Variants in PLAGL2 observed in about 807,000 individuals in gnomAD.
PLAGL2 encodes zinc finger protein PLAGL2.
In PLAGL2, 7 loss-of-function variants were observed where a neutral mutation model predicts 29.0. That is an observed-to-expected ratio of 0.24 (90% CI 0.14 to 0.45). The LOEUF is 0.45. PLAGL2 is among the 20% of genes least tolerant of loss of function. The pLI is 0.99. For missense variants in PLAGL2, 454 were observed against 648.2 expected (o/e 0.70, Z 3.25); for synonymous variants, 234 against 266.0 (o/e 0.88, Z 1.17).
chr20:32,207,238 G>C (rs2047293688), intron 1 of PLAGL2, among the ~76,000 whole-genome samples: 1 of 152,160 alleles, frequency 6.6e-6, no homozygotes, highest in Non-Finnish European at 1.5e-5. Flanking sequence ...ATGTGGGTCT[G>C]GGTAGGCGTG....
Position 32,207,663 on chromosome 20 carries a change from G to T in PLAGL2, c.-137C>A. On this transcript the variant is annotated 5_prime_UTR_variant, in exon 1 of 3. Coordinates refer to ENST00000246229, the MANE Select transcript of PLAGL2 (RefSeq NM_002657.3). ...CACCGCGCTCGGGGCCCCACGCTGC[G>T]GGCCGGGCCGCGCTCGGGCTCCGCC... 2 of 193,194 alleles carry T rather than the reference G, an allele frequency of 1.0e-5. No homozygotes were observed. The highest frequency in any genetic ancestry group is 2.1e-5 in the Non-Finnish European group (2 of 97,400). 12.0% of individuals were successfully genotyped at this position (193,194 alleles called of 1,614,324 possible).
At chr20:32,199,338 C>G (rs2047246997) in intron 2 of PLAGL2, among the ~76,000 whole-genome samples, 1 of 152,186 alleles carries the variant, frequency 6.6e-6, no homozygotes, top group South Asian at 2.1e-4. Context: ...TGTGATGGAA[C>G]TGACGTGGTA....
In PLAGL2 at chr20:32,196,503, C is replaced by A; in HGVS notation, c.1440G>T (p.Thr480=). 6 of 1,519,250 alleles carry A rather than the reference C, an allele frequency of 3.9e-6. No individual in the cohort carries two copies. The highest frequency in any genetic ancestry group is 5.3e-6 in the Non-Finnish European group (6 of 1,136,352). The allele number at this position is 1,519,250 out of a possible 1,614,324, so 94.1% of individuals were successfully genotyped here. A position where few individuals can be genotyped will look rare whatever the true frequency, so the allele number is the denominator to read the frequency against. Residue 480 remains threonine, a synonymous_variant, in exon 3 of 3, where the codon ACG becomes ACT. Transcript: ENST00000246229. ...GCAGGGTGGTGCTACTCAGGCCAGA[C>A]GTGAAGACAGGAGGCAAGGAGTGCA... The part of the protein sequence containing the change: ...GPLHSLPPVF[T]SGLSSTTLPR...
chr20:32,202,798 A>C (rs1031169404), intron 1 of PLAGL2, among the ~76,000 whole-genome samples: 1 of 152,254 alleles, frequency 6.6e-6, no homozygotes, highest in Non-Finnish European at 1.5e-5. Flanking sequence ...GAGAGGAGGA[A>C]GGGGAAGCCT....
rs377544501 is a variant in PLAGL2, at chr20:32,196,423, A to G, written c.*29T>C. 2.2e-5 allele frequency: 32 copies of G among 1,443,034 alleles called. No individual in the cohort carries two copies. Among genetic ancestry groups the G allele is most frequent in the Non-Finnish European group, 2.9e-5 (32 of 1,094,880 alleles). The allele number at this position is 1,443,034 out of a possible 1,614,324, so 89.4% of individuals were successfully genotyped here. The stretch of plus-strand genomic sequence containing the variant: ...GGTACTAAGGCTCCATAACAGAGCC[A>G]AAAACTGAGCTGAGGGCCTCTGTGG... On this transcript the variant is annotated 3_prime_UTR_variant, in exon 3 of 3. Coordinates refer to ENST00000246229, the MANE Select transcript of PLAGL2 (RefSeq NM_002657.3).
intron 1 of PLAGL2, among the ~76,000 whole-genome samples, chr20:32,207,436 G>A (rs2047295203): frequency 1.3e-5 from 2 of 152,178 alleles, no homozygotes; most frequent in African/African-American, 2.4e-5. Flanking sequence ...ACACAGGTAT[G>A]GGGTCCAGGG....
rs1441736805 is a variant in PLAGL2, at chr20:32,196,330, C to T, written c.*122G>A. On this transcript the variant is annotated 3_prime_UTR_variant, in exon 3 of 3. Coordinates refer to ENST00000246229, the MANE Select transcript of PLAGL2 (RefSeq NM_002657.3). ...AACCAAGTGCTCCTGTATACAGACA[C>T]TGGAATTTTTTTTTTTGAACCCAGC... 1.5e-6 allele frequency: 1 copy of T among 688,644 alleles called. No homozygotes were observed. The highest frequency in any genetic ancestry group is 2.2e-6 in the Non-Finnish European group (1 of 450,238). 42.7% of individuals were successfully genotyped at this position (688,644 alleles called of 1,614,324 possible).
rs756462922 is a variant in PLAGL2, at chr20:32,196,824, T to C, written c.1119A>G (p.Ser373=). Residue 373 remains serine, a synonymous_variant, in exon 3 of 3, where the codon TCA becomes TCG. Transcript: ENST00000246229. ...GTGAGGCGGGCTGGGGTTCAGCGGA[T>C]GAGAGAGACAGGCTTCCAGGAAGCT... ...LAELPGSLSL[S]SAEPQPASPQ... is the part of the protein sequence containing the mutation. 60 of 1,613,662 alleles carry C rather than the reference T, an allele frequency of 3.7e-5. No individual in the cohort carries two copies. Among genetic ancestry groups the C allele is most frequent in the Non-Finnish European group, 4.5e-5 (53 of 1,179,764 alleles).
rs1449899527 is a variant in PLAGL2 at position 32,196,919 on chromosome 20, A to G, written c.1024T>C (p.Tyr342His). Residue 342 changes from tyrosine to histidine, a missense_variant, in exon 3 of 3, where the codon TAC (tyrosine) becomes CAC (histidine). This residue lies in a region of PLAGL2 where 247 missense variants were observed against 350.3 expected (regional missense o/e 0.71). Coordinates refer to ENST00000246229, the MANE Select transcript of PLAGL2 (RefSeq NM_002657.3). ...AAGTATGAGGTAGATCCAAGCTGGT[A>G]TTTTGGAGGGAGCTGAGCTGGGGAA... ...ISSPAQLPPKYQLGSTSYLPD... is the reference protein window; with the variant it reads ...ISSPAQLPPKHQLGSTSYLPD... The G allele has an allele frequency of 2.5e-6, 4 of 1,614,158 alleles. No individual in the cohort carries two copies. The highest frequency in any genetic ancestry group is 3.4e-6 in the Non-Finnish European group (4 of 1,179,994).
In PLAGL2 at chr20:32,202,148, A is replaced by AG. The variant is rs755627840; in HGVS notation, c.30dup (p.Trp11LeufsTer33). On this transcript the variant is annotated frameshift_variant, in exon 2 of 3. Coordinates refer to ENST00000246229, the MANE Select transcript of PLAGL2 (RefSeq NM_002657.3). LOFTEE classifies it high-confidence loss of function. ...TCCTCCTGCTTTGCATCTTGAATCC[A>AG]GGGGGGGACGCTGGTGAAAAATGTG... 6.2e-7 allele frequency: 1 copy of AG among 1,613,994 alleles called. No homozygotes were observed. The highest frequency in any genetic ancestry group is 8.5e-7 in the Non-Finnish European group (1 of 1,179,936).
In PLAGL2 at chr20:32,204,527, ATGTCT is replaced by A. The variant is rs200122598; in HGVS notation, c.-114-2240_-114-2236del. ...ACCTTGATCTGCTTTTAATGGGGCT[ATGTCT>A]TCACAAAGAAAAGAGCCAACACCCT... On this transcript the variant is annotated intron_variant, in intron 1 of 2. Coordinates refer to ENST00000246229, the MANE Select transcript of PLAGL2 (RefSeq NM_002657.3). Among the ~76,000 whole-genome samples the A allele has an allele frequency of 8.8e-4, 134 of 152,330 alleles. 3 individuals are homozygous for A. The East Asian group carries it at 0.025, about 29-fold the overall frequency.
In PLAGL2 at chr20:32,196,025, C is replaced by T. The variant is rs1473233579; in HGVS notation, c.*427G>A. The T allele has an allele frequency of 3.3e-5, 5 of 153,814 alleles. No individual in the cohort carries two copies. Among genetic ancestry groups the T allele is most frequent in the African/African-American group, 1.2e-4 (5 of 41,518 alleles). The allele number at this position is 153,814 out of a possible 1,614,324, so 9.5% of individuals were successfully genotyped here. A position where few individuals can be genotyped will look rare whatever the true frequency, so the allele number is the denominator to read the frequency against. On this transcript the variant is annotated 3_prime_UTR_variant, in exon 3 of 3. Transcript: ENST00000246229. Reference sequence around the variant, plus strand: ...TCTACAGCAGGGCCTGACCAACTGACTGCTGTGGGGTCTGCAGGTTGGGAC... The same window carrying T: ...TCTACAGCAGGGCCTGACCAACTGATTGCTGTGGGGTCTGCAGGTTGGGAC...
chr20:32,204,342 G>A (rs1251166969), intron 1 of PLAGL2, among the ~76,000 whole-genome samples: 2 of 152,048 alleles, frequency 1.3e-5, no homozygotes, highest in South Asian at 4.1e-4. Flanking sequence ...CCTCCCACAC[G>A]TCCACCTCAT....
rs1394418738 is a variant in PLAGL2, at chr20:32,194,549, C to T, written c.*1903G>A. ...ACACTTACTCCAAATTGCTTCTAAT[C>T]AAGAGCTAGGGAGCTAAATTTTAAG... On this transcript the variant is annotated 3_prime_UTR_variant, in exon 3 of 3. Coordinates refer to ENST00000246229, the MANE Select transcript of PLAGL2 (RefSeq NM_002657.3). 2.0e-5 allele frequency: 3 copies of T among 152,640 alleles called. No individual in the cohort carries two copies. Among genetic ancestry groups the T allele is most frequent in the Non-Finnish European group, 4.4e-5 (3 of 68,034 alleles). 9.5% of individuals were successfully genotyped at this position (152,640 alleles called of 1,614,324 possible).
At position 32,196,527 on chromosome 20, in the gene PLAGL2, C is replaced by T. The variant is rs762938231; in HGVS notation, c.1416G>A (p.Leu472=). 12 of 1,531,962 alleles carry T rather than the reference C, an allele frequency of 7.8e-6. No individual in the cohort carries two copies. 94.9% of individuals were successfully genotyped at this position (1,531,962 alleles called of 1,614,324 possible). A position where few individuals can be genotyped will look rare whatever the true frequency, so the allele number is the denominator to read the frequency against. ...GAGGPLNFGP[L]HSLPPVFTSG... ...ACGTGAAGACAGGAGGCAAGGAGTG[C>T]AGAGGCCCAAAGTTCAGTGGTCCCC... The change falls in exon 3 of 3, where the codon CTG becomes CTA. Residue 472 remains leucine (L), a synonymous_variant. Coordinates refer to ENST00000246229, the MANE Select transcript of PLAGL2 (RefSeq NM_002657.3).
At position 32,194,875 on chromosome 20, in the gene PLAGL2, G is replaced by A. The variant is rs1393888695; in HGVS notation, c.*1577C>T. On this transcript the variant is annotated 3_prime_UTR_variant, in exon 3 of 3. Coordinates refer to ENST00000246229, the MANE Select transcript of PLAGL2 (RefSeq NM_002657.3). ...GAAGCGTCTCAAGGGTCCCACAGTG[G>A]AGGTCCCTGAGCTACCTCCCTTCCG... The A allele has an allele frequency of 3.3e-5, 5 of 152,682 alleles. 1 individual carries two copies. Among genetic ancestry groups the A allele is most frequent in the Admixed American group, 2.0e-4 (3 of 15,290 alleles). The allele number at this position is 152,682 out of a possible 1,614,324, so 9.5% of individuals were successfully genotyped here.
At chr20:32,198,919 T>C (rs1344206239) in intron 2 of PLAGL2, among the ~76,000 whole-genome samples, 1 of 152,162 alleles carries the variant, frequency 6.6e-6, no homozygotes, top group Non-Finnish European at 1.5e-5. Flanking sequence ...AGTAACACTT[T>C]AAGAAATGTT....
Position 32,196,042 on chromosome 20 carries a change from G to A in PLAGL2, c.*410C>T, listed in dbSNP as rs1600372644. ...CCAACTGACTGCTGTGGGGTCTGCAGGTTGGGACCAGAAGGTGGGCTTCTT... is the reference window on the plus strand; with the variant it reads ...CCAACTGACTGCTGTGGGGTCTGCAAGTTGGGACCAGAAGGTGGGCTTCTT... On this transcript the variant is annotated 3_prime_UTR_variant, in exon 3 of 3. Transcript: ENST00000246229. The A allele has an allele frequency of 6.5e-6, 1 of 154,786 alleles. No homozygotes were observed. Among genetic ancestry groups the A allele is most frequent in the African/African-American group, 2.4e-5 (1 of 41,694 alleles). 9.6% of individuals were successfully genotyped at this position (154,786 alleles called of 1,614,324 possible). A position where few individuals can be genotyped will look rare whatever the true frequency, so the allele number is the denominator to read the frequency against.
chr20:32,206,139 A>G (rs546888877), intron 1 of PLAGL2, among the ~76,000 whole-genome samples: 1 of 152,218 alleles, frequency 6.6e-6, no homozygotes, highest in South Asian at 2.1e-4. Context: ...AAGAAAAAAC[A>G]AAACAAAACA....
Sources: allele counts gnomAD v4.1 joint callset (sites outside exome capture counted in the v4.1 genomes callset), GRCh38; gene constraint gnomAD v4.1.1; regional missense constraint gnomAD v4.1.1; transcripts MANE v1.5; gene names NCBI Gene and HGNC (gene_info 2026-07-23, HGNC 2026-07-21).